PMS1: variants seen among roughly 807,000 people sequenced by gnomAD.
PMS1 encodes PMS1 homolog 1, mismatch repair system component.
In PMS1, 79 loss-of-function variants were observed where a neutral mutation model predicts 93.1. The ratio of observed to expected loss-of-function variants is 0.85; its 90% CI spans 0.71 to 1.02. The LOEUF (loss-of-function observed/expected upper bound fraction) is 1.02. Ranked by LOEUF, PMS1 falls within the 50% of genes least tolerant of loss-of-function variation. The probability of loss-of-function intolerance (pLI) is 0.00; values close to 1 mark genes in which losing one functional copy is unlikely to be tolerated. For synonymous variants in PMS1, 335 were observed against 363.4 expected (o/e 0.92, Z 0.89); for missense variants, 1,064 against 1,085.3 (o/e 0.98, Z 0.28).
At chr2:189,839,521 T>G (rs924215856) in intron 5 of PMS1, among the ~76,000 whole-genome samples, 8 of 152,174 alleles carry the variant, frequency 5.3e-5, no homozygotes, top group Non-Finnish European at 1.0e-4. Context: ...CAAGGCATTC[T>G]CTCTATATGT....
intron 6 of PMS1, among the ~76,000 whole-genome samples, chr2:189,847,393 T>G (rs2054343237): frequency 6.6e-6 from 1 of 152,160 alleles, no homozygotes; most frequent in South Asian, 2.1e-4. Flanking sequence ...TCTCCTATTG[T>G]TTTTTCTCAG....
intron 5 of PMS1, among the ~76,000 whole-genome samples, chr2:189,822,639 AGAGTAAGAG>A (rs2052032275): frequency 2.0e-5 from 3 of 152,224 alleles, no homozygotes; most frequent in Non-Finnish European, 2.9e-5. Flanking sequence ...CTGTGCTAAG[AGAGTAAGAG>A]TAGAAGATGT....
intron 5 of PMS1, among the ~76,000 whole-genome samples, chr2:189,829,907 T>A (rs2052770810): frequency 6.6e-6 from 1 of 152,230 alleles, no homozygotes; most frequent in South Asian, 2.1e-4. Flanking sequence ...TTTGTAATAG[T>A]ATCCTAATGG....
intron 9 of PMS1, among the ~76,000 whole-genome samples, chr2:189,859,530 A>T (rs1362417966): frequency 6.6e-6 from 1 of 152,154 alleles, no homozygotes; most frequent in Admixed American, 6.6e-5. Flanking sequence ...GGCCTAGAGA[A>T]TTAGAAGCTC....
intron 6 of PMS1, among the ~76,000 whole-genome samples, chr2:189,846,554 C>T (rs2054271032): frequency 6.6e-6 from 1 of 151,758 alleles, no homozygotes. Flanking sequence ...TAGTACGTGC[C>T]TGTAGTCCCA....
chr2:189,852,855 G>C (rs2106451471), intron 7 of PMS1, 78 bp downstream of exon 7: 1 of 900,122 alleles, frequency 1.1e-6, no homozygotes, highest in Non-Finnish European at 1.8e-6. Flanking sequence ...CCAAGAATTT[G>C]CTCTAAAATA....
At chr2:189,791,394 C>T (rs951603258) in intron 1 of PMS1, among the ~76,000 whole-genome samples, 2 of 151,968 alleles carry the variant, frequency 1.3e-5, no homozygotes, top group African/African-American at 2.4e-5. Context: ...CCAAGGCAGG[C>T]GGATCAGTTG....
intron 9 of PMS1, chr2:189,857,628 C>T: frequency 2.8e-6 from 1 of 355,806 alleles, no homozygotes; most frequent in Admixed American, 3.7e-5. Context: ...CCTCCTTTCC[C>T]TTCCCTTCTT....
intron 4 of PMS1, among the ~76,000 whole-genome samples, chr2:189,812,572 A>T (rs1213011780): frequency 6.6e-6 from 1 of 152,186 alleles, no homozygotes; most frequent in African/African-American, 2.4e-5. Flanking sequence ...ACAAAAACAA[A>T]ATCAGTATAT....
intron 4 of PMS1, among the ~76,000 whole-genome samples, chr2:189,808,897 A>AT (rs1490970723): frequency 6.6e-6 from 1 of 152,148 alleles, no homozygotes; most frequent in Admixed American, 6.5e-5. Context: ...TAGTCCTATC[A>AT]TTTTCTGTCA....
At chr2:189,873,711 C>A in intron 12 of PMS1, 55 bp downstream of exon 12, 1 of 1,362,884 alleles carries the variant, frequency 7.3e-7, no homozygotes, top group Non-Finnish European at 1.0e-6. Context: ...ACTCCCGGGC[C>A]AAGCCGGTTA....
chr2:189,861,488 G>T (rs2106495751), intron 9 of PMS1, among the ~76,000 whole-genome samples: 1 of 151,262 alleles, frequency 6.6e-6, no homozygotes, highest in South Asian at 2.1e-4. Flanking sequence ...AGTGGCTCAT[G>T]CCTGTAATCC....
intron 3 of PMS1, among the ~76,000 whole-genome samples, chr2:189,803,690 A>C (rs2050089381): frequency 6.6e-6 from 1 of 152,248 alleles, no homozygotes; most frequent in Admixed American, 6.5e-5. Flanking sequence ...TGATGAAACA[A>C]ACTCTCGAAA....
At chr2:189,842,654 A>G (rs1161464962) in intron 5 of PMS1, among the ~76,000 whole-genome samples, 2 of 152,110 alleles carry the variant, frequency 1.3e-5, no homozygotes, top group Non-Finnish European at 2.9e-5. Context: ...CACACTTCCA[A>G]ATTACTTTGG....
chr2:189,857,207 G>T (rs537336843), intron 9 of PMS1, among the ~76,000 whole-genome samples: 1 of 152,092 alleles, frequency 6.6e-6, no homozygotes, highest in Non-Finnish European at 1.5e-5. Flanking sequence ...TTTTTCTGTT[G>T]AGAAGAACAT....
rs140839940 is a variant in PMS1 at position 189,868,569 on chromosome 2, C to A, written c.2473+640C>A. On this transcript the variant is annotated intron_variant, in intron 11 of 12. Coordinates refer to ENST00000441310, the MANE Select transcript of PMS1 (RefSeq NM_000534.5). ...GCCCTATCTTCTGTTACTTTCTCTT[C>A]ATCTGGTATCAGAGAGGTACATTGG... is the stretch of plus-strand genomic sequence containing the variant. Among the ~76,000 whole-genome samples the A allele has an allele frequency of 1.8e-3, 271 of 152,306 alleles. 1 individual carries two copies. The highest frequency in any genetic ancestry group is 6.3e-3 in the African/African-American group (262 of 41,584).
At chr2:189,870,731 A>T (rs1399461129) in intron 11 of PMS1, among the ~76,000 whole-genome samples, 3 of 152,234 alleles carry the variant, frequency 2.0e-5, no homozygotes. Flanking sequence ...GTGAAAAATC[A>T]CTTAGACTGA....
At chr2:189,812,299 A>G (rs1024489477) in intron 4 of PMS1, among the ~76,000 whole-genome samples, 2 of 152,174 alleles carry the variant, frequency 1.3e-5, no homozygotes, top group African/African-American at 4.8e-5. Context: ...AGACTCTCAA[A>G]TGAAACAAAA....
intron 9 of PMS1, among the ~76,000 whole-genome samples, chr2:189,855,339 T>G (rs1008903106): frequency 1.3e-5 from 2 of 151,920 alleles, no homozygotes; most frequent in African/African-American, 4.8e-5. Flanking sequence ...TTATTTTGTT[T>G]TTTTTTTGTT....
Sources: allele counts gnomAD v4.1 joint callset (sites outside exome capture counted in the v4.1 genomes callset), GRCh38; gene constraint gnomAD v4.1.1; transcripts MANE v1.5; gene names NCBI Gene and HGNC (gene_info 2026-07-23, HGNC 2026-07-21).